Variants in FANCA observed in about 807,000 individuals in gnomAD.
FANCA encodes FA complementation group A.
Under a neutral mutation model 194.3 loss-of-function variants are expected in FANCA, and 236 were observed. The ratio of observed to expected loss-of-function variants is 1.21; its 90% CI spans 1.09 to 1.35. FANCA has a LOEUF of 1.35. FANCA is among the 40% of genes most tolerant of loss of function. FANCA has a pLI of 0.00. For missense variants in FANCA, 2,628 were observed against 1,813.9 expected, an observed-to-expected ratio of 1.45 and a Z score of -8.15; for synonymous variants, 1,014 against 715.8, an observed-to-expected ratio of 1.42 and a Z score of -6.65.
At chr16:89,751,034 G>C (rs899016266) in intron 31 of FANCA, among the ~76,000 whole-genome samples, 1 of 152,084 alleles carries the variant, frequency 6.6e-6, no homozygotes, top group African/African-American at 2.4e-5. Context: ...TGGGACTATA[G>C]GTACACACCA....
intron 14 of FANCA, among the ~76,000 whole-genome samples, chr16:89,786,266 C>T (rs1331085000): frequency 1.3e-5 from 2 of 152,130 alleles, no homozygotes; most frequent in African/African-American, 4.8e-5. Flanking sequence ...TTACCGTAAC[C>T]TCCGCCTCCC....
At chr16:89,755,541 C>T (rs2038738799) in intron 30 of FANCA, among the ~76,000 whole-genome samples, 4 of 152,042 alleles carry the variant, frequency 2.6e-5, no homozygotes, top group Non-Finnish European at 4.4e-5. Flanking sequence ...GAATCAAAAT[C>T]CTAAAGAGCT....
At chr16:89,796,670 G>A (rs1205362894) in intron 10 of FANCA, among the ~76,000 whole-genome samples, 2 of 152,172 alleles carry the variant, frequency 1.3e-5, no homozygotes, top group African/African-American at 2.4e-5. Flanking sequence ...AGACCCTCTC[G>A]TGAGGCTTAC....
Position 89,783,040 on chromosome 16 carries a change from G to A in FANCA, c.1533C>T (p.Ile511=). The A allele has an allele frequency of 6.2e-7, 1 of 1,613,824 alleles. No homozygotes were observed. Among genetic ancestry groups the A allele is most frequent in the African/African-American group, 1.3e-5 (1 of 75,032 alleles). Residue 511 remains isoleucine, a synonymous_variant, in exon 16 of 43, where the codon ATC becomes ATT. Coordinates refer to ENST00000389301, the MANE Select transcript of FANCA (RefSeq NM_000135.4). ...CGGCCAGCCGTGTCTTGGCCAATGA[G>A]ATGTAGTCTGTGAGGAGGGAGCGGT... The part of the protein sequence containing the change: ...GKYRSLLTDY[I]SLAKTRLADL...
In FANCA at chr16:89,738,330, G is replaced by T; in HGVS notation, c.*271C>A. On this transcript the variant is annotated 3_prime_UTR_variant, in exon 43 of 43. Coordinates refer to ENST00000389301, the MANE Select transcript of FANCA (RefSeq NM_000135.4). ...CTCACCCTTCGTGTGCACCCGCATG[G>T]GAGGGTCGGAGGGTGCTGCCCGCCC... 6.7e-7 allele frequency: 1 copy of T among 1,497,970 alleles called. No individual in the cohort carries two copies. The highest frequency in any genetic ancestry group is 1.3e-5 in the South Asian group (1 of 77,808). The allele number at this position is 1,497,970 out of a possible 1,614,324, so 92.8% of individuals were successfully genotyped here. A position where few individuals can be genotyped will look rare whatever the true frequency, so the allele number is the denominator to read the frequency against.
chr16:89,775,399 T>G (rs925054926), intron 21 of FANCA, among the ~76,000 whole-genome samples: 3 of 152,244 alleles, frequency 2.0e-5, no homozygotes, highest in Admixed American at 2.0e-4. Flanking sequence ...GAGCCAGCGC[T>G]GTGGGCCCCA....
chr16:89,765,695 A>G (rs1034749202), intron 27 of FANCA, among the ~76,000 whole-genome samples: 2 of 152,246 alleles, frequency 1.3e-5, no homozygotes, highest in Non-Finnish European at 2.9e-5. Context: ...TCTGCCCCCG[A>G]GGAGATGAGA....
Position 89,738,661 on chromosome 16 carries a change from G to A in FANCA, c.4308C>T (p.Leu1436=), listed in dbSNP as rs199937973. 3.7e-6 allele frequency: 6 copies of A among 1,613,770 alleles called. No homozygotes were observed. The African/African-American group carries it at 4.0e-5, about 11-fold the overall frequency. The change falls in exon 43 of 43, where the codon CTC becomes CTT. Residue 1436 remains leucine, a synonymous_variant. Coordinates refer to ENST00000389301, the MANE Select transcript of FANCA (RefSeq NM_000135.4). ...GDCDPEVSAA[L]QSRQQAAPDA... Reference sequence around the variant, plus strand: ...CAGGGGCAGCCTGCTGTCTGCTCTGGAGGGCGGCGCTCACCTCTGGGTCGC... The same window carrying A: ...CAGGGGCAGCCTGCTGTCTGCTCTGAAGGGCGGCGCTCACCTCTGGGTCGC...
chr16:89,778,235 G>T, intron 20 of FANCA: 1 of 181,918 alleles, frequency 5.5e-6, no homozygotes, highest in Non-Finnish European at 1.2e-5. Context: ...GGATGAGGTG[G>T]GTAGATCATC....
chr16:89,783,840 T>C (rs1238368917), intron 15 of FANCA, among the ~76,000 whole-genome samples: 1 of 152,038 alleles, frequency 6.6e-6, no homozygotes, highest in African/African-American at 2.4e-5. Flanking sequence ...CTCGGCTCAC[T>C]GCAACCTCCG....
At chr16:89,790,316 C>T (rs1257862599) in intron 14 of FANCA, among the ~76,000 whole-genome samples, 3 of 151,042 alleles carry the variant, frequency 2.0e-5, no homozygotes, top group Admixed American at 1.3e-4. Flanking sequence ...ATTGCTTGAA[C>T]CCAGGAGGAG....
chr16:89,781,860 G>C (rs141765689), intron 17 of FANCA, among the ~76,000 whole-genome samples: 386 of 147,024 alleles, frequency 2.6e-3, no homozygotes, highest in African/African-American at 9.1e-3. Flanking sequence ...AATTAGCCAG[G>C]CGTGGTGGCA....
chr16:89,739,042 A>G, intron 41 of FANCA, 68 bp from the exon 42 acceptor site: 1 of 1,614,038 alleles, frequency 6.2e-7, no homozygotes, highest in Middle Eastern at 1.6e-4. Context: ...TGTCCCCCAT[A>G]GTCTGCATGC....
chr16:89,784,364 G>A (rs1405136921), intron 15 of FANCA, among the ~76,000 whole-genome samples: 4 of 111,174 alleles, frequency 3.6e-5, no homozygotes, highest in African/African-American at 1.5e-4. Context: ...GAGTGAGACT[G>A]TCTCAAAAAA....
chr16:89,749,337 C>T (rs534782044), intron 32 of FANCA, among the ~76,000 whole-genome samples: 2 of 152,132 alleles, frequency 1.3e-5, no homozygotes, highest in Non-Finnish European at 2.9e-5. Context: ...CTCAGTCTCC[C>T]GAGTAGCTGG....
At chr16:89,775,870 G>T in intron 20 of FANCA, 55 bp from the exon 21 acceptor site, 1 of 1,117,018 alleles carries the variant, frequency 9.0e-7, no homozygotes, top group Non-Finnish European at 1.3e-6. Context: ...ATTAATTCAA[G>T]ATTACAATCC....
intron 31 of FANCA, among the ~76,000 whole-genome samples, 191 bp downstream of exon 31, chr16:89,751,947 T>TTA (rs1405563543): frequency 1.3e-5 from 2 of 151,986 alleles, no homozygotes; most frequent in East Asian, 3.9e-4. Context: ...AATTTTTGTA[T>TTA]TTTTAGTAGA....
intron 20 of FANCA, chr16:89,778,509 T>A: frequency 1.4e-5 from 5 of 354,546 alleles, no homozygotes; most frequent in African/African-American, 4.5e-5. Context: ...AGGCTTGTAA[T>A]CCCAGCTACT....
chr16:89,780,941 A>G (rs1231405788), intron 17 of FANCA, among the ~76,000 whole-genome samples: 1 of 152,152 alleles, frequency 6.6e-6, no homozygotes, highest in African/African-American at 2.4e-5. Flanking sequence ...AAAAAAAAAA[A>G]AAAGTAATTT....
Sources: allele counts gnomAD v4.1 joint callset (sites outside exome capture counted in the v4.1 genomes callset), GRCh38; gene constraint gnomAD v4.1.1; transcripts MANE v1.5; gene names NCBI Gene and HGNC (gene_info 2026-07-23, HGNC 2026-07-21).